Variants in DLC1 observed in about 807,000 individuals in gnomAD.
DLC1 encodes the protein DLC1 Rho GTPase activating protein.
In DLC1, 54 loss-of-function variants were observed where a neutral mutation model predicts 140.3. That is an observed-to-expected ratio of 0.38 (90% CI 0.31 to 0.48). The LOEUF is 0.48. Ranked by LOEUF, DLC1 falls within the 20% of genes least tolerant of loss-of-function variation. The probability of loss-of-function intolerance (pLI) is 0.96; values close to 1 mark genes in which losing one functional copy is unlikely to be tolerated. For missense variants in DLC1, 2,536 were observed against 1,907.0 expected (o/e 1.33, Z -6.14); for synonymous variants, 986 against 728.1 (o/e 1.35, Z -5.70).
rs145446749 is a variant in DLC1, at chr8:13,475,501, A to G, written c.1023+23548T>C. 5.2e-4 allele frequency among the ~76,000 whole-genome samples: 79 copies of G among 152,292 alleles called. 1 individual carries two copies. The highest frequency in any genetic ancestry group is 1.8e-3 in the African/African-American group (75 of 41,558). On this transcript the variant is annotated intron_variant, in intron 2 of 17. Coordinates refer to ENST00000276297, the MANE Select transcript of DLC1 (RefSeq NM_182643.3). ...GCCCAGAAGCCATGGAGATTTTTGG[A>G]CTTACTTAGTGAATTAAACAAAGAA...
At chr8:13,192,843 A>T (rs539576453) in intron 5 of DLC1, among the ~76,000 whole-genome samples, 1 of 152,196 alleles carries the variant, frequency 6.6e-6, no homozygotes, top group Non-Finnish European at 1.5e-5. Flanking sequence ...CAAGCAAAGG[A>T]GAGAGGCCTC....
At chr8:13,471,475 G>A (rs183526547) in intron 2 of DLC1, among the ~76,000 whole-genome samples, 5 of 137,606 alleles carry the variant, frequency 3.6e-5, no homozygotes, top group Admixed American at 3.6e-4. Context: ...AAGGAATGAA[G>A]GAAGGAAGGA....
intron 2 of DLC1, among the ~76,000 whole-genome samples, chr8:13,426,928 T>G (rs1838613411): frequency 6.6e-6 from 1 of 152,154 alleles, no homozygotes; most frequent in Admixed American, 6.5e-5. Context: ...ATCACGAGTT[T>G]TTGTTAATGT....
intron 5 of DLC1, among the ~76,000 whole-genome samples, chr8:13,255,587 T>G (rs1431591964): frequency 6.6e-6 from 1 of 152,226 alleles, no homozygotes; most frequent in Non-Finnish European, 1.5e-5. Flanking sequence ...AGCTTTCTAC[T>G]TTAGCCAAGC....
At chr8:13,235,371 A>C (rs991714973) in intron 5 of DLC1, among the ~76,000 whole-genome samples, 4 of 152,074 alleles carry the variant, frequency 2.6e-5, no homozygotes, top group Non-Finnish European at 5.9e-5. Context: ...CAGGAAATAC[A>C]AGGAAAATGT....
intron 2 of DLC1, among the ~76,000 whole-genome samples, chr8:13,465,933 C>T (rs772927357): frequency 6.6e-6 from 1 of 152,074 alleles, no homozygotes; most frequent in African/African-American, 2.4e-5. Context: ...TTTCTACAAC[C>T]TTCCATTTCC....
At chr8:13,262,613 G>T (rs976954678) in intron 5 of DLC1, among the ~76,000 whole-genome samples, 6 of 152,156 alleles carry the variant, frequency 3.9e-5, no homozygotes, top group African/African-American at 1.4e-4. Context: ...AGGCAGGAGT[G>T]CAGTGGCACA....
At chr8:13,527,079 T>G (rs1802942051) in intron 1 of DLC1, among the ~76,000 whole-genome samples, 1 of 152,192 alleles carries the variant, frequency 6.6e-6, no homozygotes, top group Non-Finnish European at 1.5e-5. Context: ...GGTGATCATA[T>G]TGTACGTGAA....
At chr8:13,409,822 G>A (rs897417600) in intron 2 of DLC1, among the ~76,000 whole-genome samples, 3 of 152,084 alleles carry the variant, frequency 2.0e-5, no homozygotes, top group Non-Finnish European at 4.4e-5. Context: ...CAGTATACTT[G>A]TATAGCTTTG....
At chr8:13,504,985 A>C (rs945510256) in intron 1 of DLC1, among the ~76,000 whole-genome samples, 83 of 152,332 alleles carry the variant, frequency 5.4e-4, no homozygotes, top group African/African-American at 1.9e-3. Flanking sequence ...ATGTCTCTAA[A>C]AAAAGGGAAA....
intron 5 of DLC1, among the ~76,000 whole-genome samples, chr8:13,146,941 T>G (rs1281702196): frequency 6.6e-6 from 1 of 152,226 alleles, no homozygotes; most frequent in African/African-American, 2.4e-5. Context: ...TAATGTAGTA[T>G]AAATTTTAAA....
chr8:13,150,252 A>G (rs1823709869), intron 5 of DLC1, among the ~76,000 whole-genome samples: 2 of 152,348 alleles, frequency 1.3e-5, no homozygotes, highest in South Asian at 2.1e-4. Context: ...ATAAGAAAAA[A>G]GTTTAATGAG....
intron 5 of DLC1, among the ~76,000 whole-genome samples, chr8:13,296,476 C>G (rs1324094186): frequency 6.6e-6 from 1 of 152,150 alleles, no homozygotes. Flanking sequence ...GATAGCCATT[C>G]TTTCCAAGAA....
At chr8:13,394,703 A>C (rs908111009) in intron 3 of DLC1, among the ~76,000 whole-genome samples, 1 of 152,008 alleles carries the variant, frequency 6.6e-6, no homozygotes, top group Non-Finnish European at 1.5e-5. Flanking sequence ...CATGTCCCGC[A>C]CCCCAACTCT....
intron 1 of DLC1, among the ~76,000 whole-genome samples, chr8:13,561,128 T>C (rs1804227903): frequency 6.6e-6 from 1 of 151,884 alleles, no homozygotes; most frequent in East Asian, 1.9e-4. Flanking sequence ...TTTCCTTTTT[T>C]TTTTTTTGAG....
chr8:13,493,045 A>G (rs1296938544), intron 2 of DLC1, among the ~76,000 whole-genome samples: 6 of 152,240 alleles, frequency 3.9e-5, no homozygotes, highest in Non-Finnish European at 1.5e-5. Flanking sequence ...GGAACTTGTT[A>G]TGAATTTACA....
intron 1 of DLC1, among the ~76,000 whole-genome samples, chr8:13,548,168 A>C (rs1236639039): frequency 6.6e-6 from 1 of 152,062 alleles, no homozygotes; most frequent in Non-Finnish European, 1.5e-5. Context: ...ACATAGTAAA[A>C]GTTCAATATC....
At chr8:13,195,042 C>A (rs1490964038) in intron 5 of DLC1, among the ~76,000 whole-genome samples, 2 of 152,224 alleles carry the variant, frequency 1.3e-5, no homozygotes, top group South Asian at 2.1e-4. Context: ...CCTAGAAAAA[C>A]CAAACTCTCC....
intron 1 of DLC1, among the ~76,000 whole-genome samples, chr8:13,561,411 C>G (rs1001638799): frequency 6.6e-5 from 10 of 152,112 alleles, no homozygotes; most frequent in African/African-American, 2.2e-4. Flanking sequence ...AACTCCTATT[C>G]TTAAAGATCC....
Sources: allele counts gnomAD v4.1 joint callset (sites outside exome capture counted in the v4.1 genomes callset), GRCh38; gene constraint gnomAD v4.1.1; transcripts MANE v1.5; gene names NCBI Gene and HGNC (gene_info 2026-07-23, HGNC 2026-07-21).